Variants in SIPA1L2 observed in about 807,000 individuals in gnomAD.
The protein encoded by SIPA1L2 is signal induced proliferation associated 1 like 2, also known as signal-induced proliferation-associated 1-like protein 2.
A neutral mutation model predicts 163.9 loss-of-function variants in SIPA1L2; 56 were observed. The ratio of observed to expected loss-of-function variants is 0.34; its 90% CI spans 0.28 to 0.43. The LOEUF (loss-of-function observed/expected upper bound fraction) is 0.43. Among genes scored for constraint, SIPA1L2 ranks in the 20% least tolerant of loss-of-function variants. The pLI is 1.00. For missense variants in SIPA1L2, 1,974 were observed against 2,193.5 expected, an observed-to-expected ratio of 0.90 and a Z score of 2.00; for synonymous variants, 877 against 865.7, an observed-to-expected ratio of 1.01 and a Z score of -0.23.
In SIPA1L2 at chr1:232,419,968, C is replaced by T. The variant is rs186231549; in HGVS notation, c.4631-4343G>A. ...GACACAAGTTCTATCCTTCAAAGAGCCCTGTCAACAAACAGATGAATACTG... is the reference window on the plus strand; with the variant it reads ...GACACAAGTTCTATCCTTCAAAGAGTCCTGTCAACAAACAGATGAATACTG... On this transcript the variant is annotated intron_variant, in intron 18 of 22. Coordinates refer to ENST00000674635, the MANE Select transcript of SIPA1L2 (RefSeq NM_020808.5). 1.3e-4 allele frequency among the ~76,000 whole-genome samples: 20 copies of T among 152,274 alleles called. No homozygotes were observed. In the East Asian group the frequency reaches 3.7e-3, roughly 28 times the overall value.
intron 1 of SIPA1L2, among the ~76,000 whole-genome samples, chr1:232,597,699 A>G (rs1312619847): frequency 6.7e-6 from 1 of 149,004 alleles, no homozygotes; most frequent in African/African-American, 2.5e-5. Context: ...CAAAAAAAAA[A>G]AAAAAAAAAA....
At position 232,465,674 on chromosome 1, in the gene SIPA1L2, T is replaced by TA. The variant is rs955015476; in HGVS notation, c.2244-259dup. On this transcript the variant is annotated intron_variant, in intron 8 of 22. Coordinates refer to ENST00000674635, the MANE Select transcript of SIPA1L2 (RefSeq NM_020808.5). The surrounding 1 kb of genome is among the most constrained non-coding windows in gnomAD (Gnocchi z 4.1). ...CTTTAAACTTAGTAGACAGGAGGTG[T>TA]AATGGGCTGAATTATGTCCCTCTCA... 4.1e-4 allele frequency among the ~76,000 whole-genome samples: 62 copies of TA among 151,906 alleles called. No homozygotes were observed. The highest frequency in any genetic ancestry group is 2.4e-4 in the African/African-American group (10 of 41,366).
chr1:232,478,115 T>C (rs890871921), intron 7 of SIPA1L2, among the ~76,000 whole-genome samples: 1 of 152,212 alleles, frequency 6.6e-6, no homozygotes, highest in African/African-American at 2.4e-5. Flanking sequence ...CTCGGCATTA[T>C]TGCAAATAAA....
intron 4 of SIPA1L2, 46 bp from the exon 5 acceptor site, chr1:232,491,108 T>C (rs1665907879): frequency 6.5e-7 from 1 of 1,531,704 alleles, no homozygotes; most frequent in South Asian, 1.2e-5. Context: ...GATTCTCAAT[T>C]ACCTACTCAC....
At chr1:232,533,831 C>T (rs1348018588) in intron 2 of SIPA1L2, among the ~76,000 whole-genome samples, 2 of 152,104 alleles carry the variant, frequency 1.3e-5, no homozygotes, top group African/African-American at 2.4e-5. Flanking sequence ...AGCAAGAATC[C>T]AGTAGCAAGT....
At chr1:232,450,623 C>T (rs570247979) in intron 10 of SIPA1L2, among the ~76,000 whole-genome samples, 25 of 152,264 alleles carry the variant, frequency 1.6e-4, no homozygotes, top group Non-Finnish European at 2.6e-4. Context: ...ATGAAAGGAA[C>T]GTGAACCTTG....
intron 1 of SIPA1L2, among the ~76,000 whole-genome samples, chr1:232,626,205 C>T (rs1358658111): frequency 6.8e-6 from 1 of 146,480 alleles, no homozygotes; most frequent in Non-Finnish European, 1.5e-5. Context: ...TAAATGCTGA[C>T]ATATCTGACA....
At chr1:232,425,069 C>A (rs1015785355) in intron 18 of SIPA1L2, among the ~76,000 whole-genome samples, 1 of 152,132 alleles carries the variant, frequency 6.6e-6, no homozygotes, top group Non-Finnish European at 1.5e-5. Context: ...CAAGAGAACA[C>A]ACGTCATCTG....
intron 5 of SIPA1L2, among the ~76,000 whole-genome samples, chr1:232,488,118 A>G (rs1370801200): frequency 1.3e-5 from 2 of 151,952 alleles, no homozygotes; most frequent in African/African-American, 4.8e-5. Context: ...ACACCTGGCT[A>G]ATTTTTGTAT....
intron 16 of SIPA1L2, 120 bp from the exon 17 acceptor site, chr1:232,428,684 T>TA (rs1662047015): frequency 1.1e-5 from 7 of 649,896 alleles, no homozygotes; most frequent in Middle Eastern, 4.2e-4. Context: ...TCTTAGGTCT[T>TA]AAGTCAGTTC....
intron 5 of SIPA1L2, among the ~76,000 whole-genome samples, chr1:232,485,412 G>C (rs1280211473): frequency 6.6e-6 from 1 of 152,158 alleles, no homozygotes; most frequent in Non-Finnish European, 1.5e-5. Flanking sequence ...TACTACTTTA[G>C]TAGGGTCAAG....
At chr1:232,515,912 G>T (rs1667200775) in intron 2 of SIPA1L2, among the ~76,000 whole-genome samples, 1 of 152,174 alleles carries the variant, frequency 6.6e-6, no homozygotes, top group South Asian at 2.1e-4. Context: ...ATCCAACAGA[G>T]TAATTTTCCT....
intron 1 of SIPA1L2, among the ~76,000 whole-genome samples, chr1:232,598,963 C>CAA (rs3028130): frequency 0.21 from 25,527 of 121,852 alleles, 2,619 homozygotes; most frequent in Non-Finnish European, 0.24. Flanking sequence ...CTCTACCCCT[C>CAA]AAAAAAAAAA....
chr1:232,425,725 C>A lies in SIPA1L2; in HGVS notation c.4494G>T (p.Gly1498=). 1 of 1,614,052 alleles carries A rather than the reference C, an allele frequency of 6.2e-7. No individual in the cohort carries two copies. Among genetic ancestry groups the A allele is most frequent in the South Asian group, 1.1e-5 (1 of 91,028 alleles). ...SDESICSNRR[G]SSFGSSRSSV... is the part of the protein sequence containing the mutation. ...AACTCCGGGAACTGCCAAAGGAGGA[C>A]CCCCTCCTGTTGCTGCAGATGCTCT... is the stretch of plus-strand genomic sequence containing the variant. The change falls in exon 18 of 23, where the codon GGG becomes GGT. Residue 1498 remains glycine (G), a synonymous_variant. Coordinates refer to ENST00000674635, the MANE Select transcript of SIPA1L2 (RefSeq NM_020808.5).
intron 6 of SIPA1L2, 29 bp downstream of exon 6, chr1:232,483,763 A>G: frequency 3.1e-6 from 5 of 1,612,010 alleles, no homozygotes; most frequent in Non-Finnish European, 4.2e-6. Context: ...AGAATTAAAA[A>G]TGTGCACACA....
Position 232,609,587 on chromosome 1 carries a change from T to C in SIPA1L2, c.-319+20282A>G, listed in dbSNP as rs185729349. Among the ~76,000 whole-genome samples, 6 of 152,198 alleles carry C rather than the reference T, an allele frequency of 3.9e-5. No homozygotes were observed. The East Asian group carries it at 1.2e-3, about 29-fold the overall frequency. On this transcript the variant is annotated intron_variant, in intron 1 of 22. Transcript: ENST00000674635. ...GGCTCACACCTGTAATCTCAGCATT[T>C]TGGGAGGCCGAGCTGGGCAGATCAC...
rs756603654 is a variant in SIPA1L2, at chr1:232,514,827, G to C, written c.513C>G (p.Ala171=). The C allele has an allele frequency of 1.2e-6, 2 of 1,614,098 alleles. No homozygotes were observed. The highest frequency in any genetic ancestry group is 1.7e-6 in the Non-Finnish European group (2 of 1,180,016). Residue 171 remains alanine, a synonymous_variant, in exon 3 of 23, where the codon GCC becomes GCG. Coordinates refer to ENST00000674635, the MANE Select transcript of SIPA1L2 (RefSeq NM_020808.5). The part of the protein sequence containing the change: ...NSDVTISDID[A]EDVLDQNAVN... ...CTGCATTTTGGTCTAAGACATCTTC[G>C]GCATCAATGTCACTGATAGTGACAT...
At chr1:232,551,989 G>T (rs370580479) in intron 2 of SIPA1L2, among the ~76,000 whole-genome samples, 3 of 152,036 alleles carry the variant, frequency 2.0e-5, no homozygotes, top group Non-Finnish European at 4.4e-5. Flanking sequence ...ACAGGCGCCC[G>T]CCCCCACGCC....
intron 2 of SIPA1L2, among the ~76,000 whole-genome samples, chr1:232,545,917 T>C (rs1413801412): frequency 2.0e-5 from 3 of 152,258 alleles, no homozygotes; most frequent in African/African-American, 7.2e-5. Flanking sequence ...GCAGATCTTA[T>C]GCAGAATTGC....
Sources: allele counts gnomAD v4.1 joint callset (sites outside exome capture counted in the v4.1 genomes callset), GRCh38; gene constraint gnomAD v4.1.1; non-coding constraint Gnocchi (gnomAD v3.1); transcripts MANE v1.5; gene names NCBI Gene and HGNC (gene_info 2026-07-23, HGNC 2026-07-21).